NAP1L1: variants seen among roughly 807,000 people sequenced by gnomAD.
NAP1L1 encodes nucleosome assembly protein 1-like 1.
NAP1L1 carries 9 observed loss-of-function variants against 58.9 expected under a neutral mutation model. The ratio of observed to expected loss-of-function variants is 0.15; its 90% CI spans 0.09 to 0.27. The LOEUF is 0.27. Among genes scored for constraint, NAP1L1 ranks in the 10% least tolerant of loss-of-function variants. The pLI is 1.00. For synonymous variants in NAP1L1, 130 were observed against 138.3 expected, an observed-to-expected ratio of 0.94 and a Z score of 0.42; for missense variants, 302 against 458.8, an observed-to-expected ratio of 0.66 and a Z score of 3.12.
intron 13 of NAP1L1, 152 bp from the exon 14 acceptor site, chr12:76,049,402 T>G: frequency 6.5e-7 from 1 of 1,536,704 alleles, no homozygotes; most frequent in East Asian, 2.4e-5. Context: ...TTTGAAAGCT[T>G]CTAATATGAA....
rs748389189 is a variant in NAP1L1, at chr12:76,067,328, G to A, written c.206+43C>T. On this transcript the variant is annotated intron_variant, in intron 4 of 14. Coordinates refer to ENST00000618691, the MANE Select transcript of NAP1L1 (RefSeq NM_004537.7). ...TCTTAAAAATAGATACGCCTGCAAC[G>A]TTGATTATAGAAAGATAAATAAGGA... The A allele has an allele frequency of 2.7e-6, 4 of 1,454,820 alleles. No homozygotes were observed. In the South Asian group the frequency reaches 3.5e-5, roughly 13 times the overall value. The allele number at this position is 1,454,820 out of a possible 1,614,324, so 90.1% of individuals were successfully genotyped here. A position where few individuals can be genotyped will look rare whatever the true frequency, so the allele number is the denominator to read the frequency against.
intron 1 of NAP1L1, among the ~76,000 whole-genome samples, chr12:76,079,566 T>C (rs571439118): frequency 4.7e-4 from 71 of 151,822 alleles, no homozygotes; most frequent in African/African-American, 1.1e-3. Context: ...CAGGAAAAAA[T>C]AGACTTCAAG....
In NAP1L1 at chr12:76,064,231, T is replaced by C. The variant is rs1384801956; in HGVS notation, c.206+3140A>G. On this transcript the variant is annotated intron_variant, in intron 4 of 14. Transcript: ENST00000618691. ...ATTATAAAACACAAAGGAAGACACA[T>C]ATCAGTAAAATGAAACAAGAGAACA... 3.3e-5 allele frequency among the ~76,000 whole-genome samples: 5 copies of C among 152,194 alleles called. No individual in the cohort carries two copies. The East Asian group carries it at 7.7e-4, about 24-fold the overall frequency.
chr12:76,042,191 C>A lies in NAP1L1; in HGVS notation c.*6238G>T, dbSNP rs1312906694. 16 of 152,038 alleles carry A rather than the reference C, an allele frequency of 1.1e-4. No individual in the cohort carries two copies. The allele number at this position is 152,038 out of a possible 1,614,324, so 9.4% of individuals were successfully genotyped here. A position where few individuals can be genotyped will look rare whatever the true frequency, so the allele number is the denominator to read the frequency against. Reference sequence around the variant, plus strand: ...ACCTAGGAGGAATTTTGCCTTTGAACCAAGAAAACCCCAACTAGTTCAGAA... The same window carrying A: ...ACCTAGGAGGAATTTTGCCTTTGAAACAAGAAAACCCCAACTAGTTCAGAA... On this transcript the variant is annotated 3_prime_UTR_variant, in exon 15 of 15. Coordinates refer to ENST00000618691, the MANE Select transcript of NAP1L1 (RefSeq NM_004537.7).
chr12:76,042,849 TA>T lies in NAP1L1; in HGVS notation c.*5579del, dbSNP rs1948562687. On this transcript the variant is annotated 3_prime_UTR_variant, in exon 15 of 15. Transcript: ENST00000618691. ...CCAGGGCTGAAATAGAAAACGCCTGTAAGACTAGAAAACTTTTTGAGCCAAA... is the reference window on the plus strand; with the variant it reads ...CCAGGGCTGAAATAGAAAACGCCTGTAGACTAGAAAACTTTTTGAGCCAAA... 1 of 152,176 alleles carries T rather than the reference TA, an allele frequency of 6.6e-6. No individual in the cohort carries two copies. The highest frequency in any genetic ancestry group is 2.1e-4 in the South Asian group (1 of 4,832). 9.4% of individuals were successfully genotyped at this position (152,176 alleles called of 1,614,324 possible). A position where few individuals can be genotyped will look rare whatever the true frequency, so the allele number is the denominator to read the frequency against.
intron 10 of NAP1L1, 39 bp from the exon 11 acceptor site, chr12:76,053,149 C>T (rs1315010331): frequency 6.2e-7 from 1 of 1,612,250 alleles, no homozygotes; most frequent in East Asian, 2.2e-5. Flanking sequence ...GAATAAGAAG[C>T]TAAGCAATGC....
rs191255244 is a variant in NAP1L1, at chr12:76,045,260, T to C, written c.*3169A>G. On this transcript the variant is annotated 3_prime_UTR_variant, in exon 15 of 15. Coordinates refer to ENST00000618691, the MANE Select transcript of NAP1L1 (RefSeq NM_004537.7). ...GATTTAAAGTCAAAAATATAAAGGCTTAAATTTTTGTAAGACTAACCCATA... is the reference window on the plus strand; with the variant it reads ...GATTTAAAGTCAAAAATATAAAGGCCTAAATTTTTGTAAGACTAACCCATA... The C allele has an allele frequency of 2.0e-5, 3 of 152,240 alleles. No individual in the cohort carries two copies. Among genetic ancestry groups the C allele is most frequent in the African/African-American group, 7.2e-5 (3 of 41,578 alleles). 9.4% of individuals were successfully genotyped at this position (152,240 alleles called of 1,614,324 possible). A position where few individuals can be genotyped will look rare whatever the true frequency, so the allele number is the denominator to read the frequency against.
At position 76,047,007 on chromosome 12, in the gene NAP1L1, T is replaced by C. The variant is rs901542338; in HGVS notation, c.*1422A>G. 6.6e-6 allele frequency: 1 copy of C among 152,426 alleles called. No homozygotes were observed. Among genetic ancestry groups the C allele is most frequent in the Admixed American group, 6.6e-5 (1 of 15,254 alleles). 9.4% of individuals were successfully genotyped at this position (152,426 alleles called of 1,614,324 possible). On this transcript the variant is annotated 3_prime_UTR_variant, in exon 15 of 15. Coordinates refer to ENST00000618691, the MANE Select transcript of NAP1L1 (RefSeq NM_004537.7). ...GTGCATCCCTCCACTTCTATAAAAA[T>C]AGGAGCCACACAAAGATCTAAAAAG...
At chr12:76,053,144 A>G (rs41292035) in intron 10 of NAP1L1, 34 bp from the exon 11 acceptor site, 17,455 of 1,612,812 alleles carry the variant, frequency 0.011, 146 homozygotes, top group Middle Eastern at 0.054. Flanking sequence ...ACAATGAATA[A>G]GAAGCTAAGC....
At chr12:76,058,042 T>G in intron 6 of NAP1L1, 1 of 783,282 alleles carries the variant, frequency 1.3e-6, no homozygotes, top group Non-Finnish European at 2.4e-6. Context: ...CAAGGAGACT[T>G]TACAGATGAC....
intron 4 of NAP1L1, among the ~76,000 whole-genome samples, chr12:76,061,952 C>T (rs1949437345): frequency 6.6e-6 from 1 of 152,212 alleles, no homozygotes; most frequent in African/African-American, 2.4e-5. Context: ...GAGGCACACA[C>T]ACACCATAAG....
Position 76,048,187 on chromosome 12 carries a change from C to T in NAP1L1, c.*242G>A, listed in dbSNP as rs1948664226. On this transcript the variant is annotated 3_prime_UTR_variant, in exon 15 of 15. Coordinates refer to ENST00000618691, the MANE Select transcript of NAP1L1 (RefSeq NM_004537.7). ...GCTACATAAAAATATTCCAGAAGAACCAAATTATGTAGCAATGAATGAACA... is the reference window on the plus strand; with the variant it reads ...GCTACATAAAAATATTCCAGAAGAATCAAATTATGTAGCAATGAATGAACA... The T allele has an allele frequency of 2.4e-6, 1 of 424,348 alleles. No individual in the cohort carries two copies. Among genetic ancestry groups the T allele is most frequent in the Non-Finnish European group, 4.2e-6 (1 of 240,350 alleles). The allele number at this position is 424,348 out of a possible 1,614,324, so 26.3% of individuals were successfully genotyped here. A position where few individuals can be genotyped will look rare whatever the true frequency, so the allele number is the denominator to read the frequency against.
rs761152706 is a variant in NAP1L1 at position 76,048,392 on chromosome 12, C to T, written c.*37G>A. 6.2e-6 allele frequency: 10 copies of T among 1,609,666 alleles called. No individual in the cohort carries two copies. Among genetic ancestry groups the T allele is most frequent in the African/African-American group, 1.3e-5 (1 of 74,776 alleles). On this transcript the variant is annotated 3_prime_UTR_variant, in exon 15 of 15. Transcript: ENST00000618691. ...AATAAGAGTTGTGTTTAGGCTATTACAGTGCAGGTTATCCTCAAGGCCACA... is the reference window on the plus strand; with the variant it reads ...AATAAGAGTTGTGTTTAGGCTATTATAGTGCAGGTTATCCTCAAGGCCACA...
chr12:76,048,149 C>A lies in NAP1L1; in HGVS notation c.*280G>T. The stretch of plus-strand genomic sequence containing the variant: ...CTTTAACAGTTGTTAATTTTCATAG[C>A]TGTACTCCAAGAGCTACATAAAAAT... On this transcript the variant is annotated 3_prime_UTR_variant, in exon 15 of 15. Transcript: ENST00000618691. The A allele has an allele frequency of 5.2e-6, 2 of 385,864 alleles. No individual in the cohort carries two copies. Among genetic ancestry groups the A allele is most frequent in the Non-Finnish European group, 4.6e-6 (1 of 217,170 alleles). The allele number at this position is 385,864 out of a possible 1,614,324, so 23.9% of individuals were successfully genotyped here. A position where few individuals can be genotyped will look rare whatever the true frequency, so the allele number is the denominator to read the frequency against.
intron 6 of NAP1L1, chr12:76,059,551 T>A (rs892168083): frequency 2.6e-6 from 1 of 391,738 alleles, no homozygotes; most frequent in African/African-American, 2.1e-5. Flanking sequence ...TGTTTTAAAC[T>A]GCTGTGGACA....
In NAP1L1 at chr12:76,042,443, C is replaced by T. The variant is rs995363556; in HGVS notation, c.*5986G>A. 6.6e-6 allele frequency: 1 copy of T among 152,190 alleles called. No individual in the cohort carries two copies. The highest frequency in any genetic ancestry group is 1.5e-5 in the Non-Finnish European group (1 of 68,034). 9.4% of individuals were successfully genotyped at this position (152,190 alleles called of 1,614,324 possible). A position where few individuals can be genotyped will look rare whatever the true frequency, so the allele number is the denominator to read the frequency against. On this transcript the variant is annotated 3_prime_UTR_variant, in exon 15 of 15. Transcript: ENST00000618691. Reference sequence around the variant, plus strand: ...CAAAGACACTACTTGTATTCTCACACATATCCATTAAAATTTGGTAGCAGA... The same window carrying T: ...CAAAGACACTACTTGTATTCTCACATATATCCATTAAAATTTGGTAGCAGA...
intron 4 of NAP1L1, among the ~76,000 whole-genome samples, chr12:76,066,705 G>T (rs556510515): frequency 6.6e-5 from 10 of 152,196 alleles, no homozygotes; most frequent in Admixed American, 2.6e-4. Context: ...TTCTTGCATT[G>T]AGTACAGTAT....
chr12:76,072,117 C>A (rs1181559499), intron 2 of NAP1L1, among the ~76,000 whole-genome samples: 1 of 150,596 alleles, frequency 6.6e-6, no homozygotes, highest in African/African-American at 2.5e-5. Flanking sequence ...TGTCCCTACA[C>A]CCCACCCAAT....
chr12:76,084,262 T>C (rs563106897), intron 1 of NAP1L1, among the ~76,000 whole-genome samples: 1 of 152,114 alleles, frequency 6.6e-6, no homozygotes. Flanking sequence ...CACCGCGGCC[T>C]CGCTCCGGTC....
Sources: gnomAD v4.1 joint callset for allele counts (sites outside exome capture counted in the v4.1 genomes callset) on GRCh38, gnomAD v4.1.1 for gene constraint, MANE v1.5 for transcripts, NCBI Gene and HGNC (gene_info 2026-07-23, HGNC 2026-07-21) for gene names.